The following SHISA6 variants were observed in gnomAD, a reference collection of about 807,000 sequenced individuals.
SHISA6 encodes protein shisa-6.
Under a neutral mutation model 47.9 loss-of-function variants are expected in SHISA6, and 22 were observed. That is an observed-to-expected ratio of 0.46 (90% confidence interval 0.33 to 0.66). The LOEUF (loss-of-function observed/expected upper bound fraction) is 0.66. SHISA6 is among the 30% of genes least tolerant of loss of function. SHISA6 has a pLI of 0.02. For synonymous variants in SHISA6, 388 were observed against 337.8 expected (o/e 1.15, Z -1.63); for missense variants, 680 against 764.6 (o/e 0.89, Z 1.30).
At chr17:11,454,534 C>T (rs1002886938) in intron 3 of SHISA6, among the ~76,000 whole-genome samples, 1 of 152,198 alleles carries the variant, frequency 6.6e-6, no homozygotes, top group African/African-American at 2.4e-5. Context: ...CCACTTTCCT[C>T]TTCATTGTCC....
chr17:11,385,665 A>C (rs205057), intron 3 of SHISA6, among the ~76,000 whole-genome samples: 143 of 151,844 alleles, frequency 9.4e-4, no homozygotes, highest in Non-Finnish European at 1.7e-3. Context: ...AGCTGGGAGG[A>C]TATTAGCTAG....
intron 3 of SHISA6, among the ~76,000 whole-genome samples, chr17:11,551,060 A>C (rs1036505529): frequency 1.3e-5 from 2 of 152,238 alleles, no homozygotes; most frequent in African/African-American, 4.8e-5. Flanking sequence ...CAAAGGCCTC[A>C]TGCCTCCTCT....
intron 2 of SHISA6, among the ~76,000 whole-genome samples, chr17:11,276,441 T>C (rs1165412238): frequency 6.6e-6 from 1 of 152,190 alleles, no homozygotes; most frequent in Non-Finnish European, 1.5e-5. Flanking sequence ...TCTTAACTTG[T>C]TATTTTGAAC....
At chr17:11,245,756 G>GC (rs897239838) in intron 1 of SHISA6, among the ~76,000 whole-genome samples, 5 of 148,944 alleles carry the variant, frequency 3.4e-5, no homozygotes, top group African/African-American at 1.0e-4. Flanking sequence ...GGGTGGGGGG[G>GC]GTGGATATCT....
At chr17:11,244,789 C>G (rs1266261216) in intron 1 of SHISA6, among the ~76,000 whole-genome samples, 1 of 152,186 alleles carries the variant, frequency 6.6e-6, no homozygotes, top group Non-Finnish European at 1.5e-5. Flanking sequence ...TGTTTCCTTT[C>G]TGAACAAGAA....
chr17:11,340,598 G>A (rs932008664), intron 2 of SHISA6, among the ~76,000 whole-genome samples: 8 of 152,198 alleles, frequency 5.3e-5, no homozygotes, highest in Admixed American at 5.2e-4. Context: ...ACCTCTTGAT[G>A]GAGTGGCCAT....
At chr17:11,537,018 TAA>T in intron 3 of SHISA6, among the ~76,000 whole-genome samples, 1 of 151,982 alleles carries the variant, frequency 6.6e-6, no homozygotes, top group South Asian at 2.1e-4. Flanking sequence ...CAAGAAGACC[TAA>T]AGTTTGTCTT....
chr17:11,311,760 A>ATTTCT lies in SHISA6; in HGVS notation c.799+48258_799+48262dup, dbSNP rs566126211. Reference sequence around the variant, plus strand: ...TAGAGATAGCTAGCTAGATATTTAGATTTCTTTTCTTTTCTTTTCTTTTCT... The same window carrying ATTTCT: ...TAGAGATAGCTAGCTAGATATTTAGATTTCTTTTCTTTTCTTTTCTTTTCTTTTCT... On this transcript the variant is annotated intron_variant, in intron 2 of 5. Transcript: ENST00000441885. 1.5e-3 allele frequency among the ~76,000 whole-genome samples: 221 copies of ATTTCT among 151,546 alleles called. 1 individual carries two copies. The highest frequency in any genetic ancestry group is 2.4e-3 in the Non-Finnish European group (163 of 67,842).
intron 2 of SHISA6, among the ~76,000 whole-genome samples, chr17:11,316,867 A>G (rs1376919484): frequency 6.6e-6 from 1 of 152,202 alleles, no homozygotes; most frequent in Non-Finnish European, 1.5e-5. Context: ...TATTTTTTAA[A>G]TGATGTGTAA....
Position 11,558,289 on chromosome 17 carries a change from C to G in SHISA6, c.1641C>G (p.Thr547=). 2 of 1,538,502 alleles carry G rather than the reference C, an allele frequency of 1.3e-6. No homozygotes were observed. Among genetic ancestry groups the G allele is most frequent in the African/African-American group, 1.4e-5 (1 of 73,160 alleles). Residue 547 remains threonine (T), a synonymous_variant, in exon 6 of 6, where the codon ACC becomes ACG. Transcript: ENST00000441885. ...GHHTCYTASK[T]EVTV ...ACACCTGCTACACAGCCAGCAAGACCGAAGTGACCGTGTGACCGGCGGGGC... is the reference window on the plus strand; with the variant it reads ...ACACCTGCTACACAGCCAGCAAGACGGAAGTGACCGTGTGACCGGCGGGGC...
chr17:11,467,004 C>A (rs1424704632), intron 3 of SHISA6, among the ~76,000 whole-genome samples: 1 of 152,072 alleles, frequency 6.6e-6, no homozygotes, highest in East Asian at 1.9e-4. Flanking sequence ...TCTTTGTCAC[C>A]CCTCTCAGTA....
intron 2 of SHISA6, among the ~76,000 whole-genome samples, chr17:11,354,903 C>A (rs999136115): frequency 6.6e-6 from 1 of 152,182 alleles, no homozygotes; most frequent in Admixed American, 6.5e-5. Flanking sequence ...ATGGAACTTT[C>A]TTTAAAGGTC....
At chr17:11,523,538 T>A (rs1159662523) in intron 3 of SHISA6, among the ~76,000 whole-genome samples, 1 of 152,144 alleles carries the variant, frequency 6.6e-6, no homozygotes, top group Non-Finnish European at 1.5e-5. Context: ...ATTTGGCCAC[T>A]GAAGAGTTGG....
At chr17:11,310,788 C>T (rs1910300629) in intron 2 of SHISA6, among the ~76,000 whole-genome samples, 1 of 151,872 alleles carries the variant, frequency 6.6e-6, no homozygotes, top group African/African-American at 2.4e-5. Flanking sequence ...ACCTGACCGA[C>T]ATGGTGAAAC....
chr17:11,380,848 AT>A (rs1406448884), intron 3 of SHISA6, among the ~76,000 whole-genome samples: 2 of 152,032 alleles, frequency 1.3e-5, no homozygotes, highest in Non-Finnish European at 2.9e-5. Flanking sequence ...ATGGTGCTGG[AT>A]GTTGGCAAGA....
At chr17:11,376,760 A>C (rs1255949572) in intron 2 of SHISA6, among the ~76,000 whole-genome samples, 1 of 152,240 alleles carries the variant, frequency 6.6e-6, no homozygotes, top group Non-Finnish European at 1.5e-5. Context: ...TCACTGGTCC[A>C]AACATAGTGG....
Position 11,241,439 on chromosome 17 carries a change from TCC to T in SHISA6, c.18_19del (p.Leu7AlafsTer104). 1 of 1,189,052 alleles carries T rather than the reference TCC, an allele frequency of 8.4e-7. No homozygotes were observed. Among genetic ancestry groups the T allele is most frequent in the Non-Finnish European group, 1.1e-6 (1 of 944,356 alleles). 73.7% of individuals were successfully genotyped at this position (1,189,052 alleles called of 1,614,324 possible). Reference sequence around the variant, plus strand: ...GGCCCCGCCATGGCGCTGCGGCGCCTCCTGCTGCTGCTGCTGCTCTCGCTGGA... The same window carrying T: ...GGCCCCGCCATGGCGCTGCGGCGCCTTGCTGCTGCTGCTGCTCTCGCTGGA... On this transcript the variant is annotated frameshift_variant, in exon 1 of 6. Transcript: ENST00000441885. LOFTEE classifies it high-confidence loss of function. This position sits in a 1 kb window ranked among gnomAD's most constrained non-coding sequence, Gnocchi z 5.5.
At position 11,294,261 on chromosome 17, in the gene SHISA6, AGGCTC is replaced by A. The variant is rs1176395824; in HGVS notation, c.799+30736_799+30740del. On this transcript the variant is annotated intron_variant, in intron 2 of 5. Coordinates refer to ENST00000441885, the MANE Select transcript of SHISA6 (RefSeq NM_207386.4). Reference sequence around the variant, plus strand: ...CAACAAAACCTTCAGAGATACCCAAAGGCTCCCATACAGTCTTCACTCTTCCATAC... The same window carrying A: ...CAACAAAACCTTCAGAGATACCCAAACCATACAGTCTTCACTCTTCCATAC... Among the ~76,000 whole-genome samples the A allele has an allele frequency of 5.9e-5, 9 of 152,290 alleles. No individual in the cohort carries two copies. In the East Asian group the frequency reaches 1.7e-3, roughly 29 times the overall value.
At chr17:11,438,168 G>T (rs1914992096) in intron 3 of SHISA6, among the ~76,000 whole-genome samples, 1 of 152,052 alleles carries the variant, frequency 6.6e-6, no homozygotes, top group African/African-American at 2.4e-5. Flanking sequence ...CATGGATTTT[G>T]TTTAATTCCT....
Sources: gnomAD v4.1 joint callset for allele counts (sites outside exome capture counted in the v4.1 genomes callset) on GRCh38, gnomAD v4.1.1 for gene constraint, Gnocchi (gnomAD v3.1) non-coding constraint, MANE v1.5 for transcripts, NCBI Gene and HGNC (gene_info 2026-07-23, HGNC 2026-07-21) for gene names.